Variants in ROBO2 observed in about 807,000 individuals in gnomAD.
ROBO2 encodes the protein roundabout guidance receptor 2, also known as roundabout homolog 2.
Under a neutral mutation model 160.8 loss-of-function variants are expected in ROBO2, and 53 were observed. The observed-to-expected ratio is 0.33, with a 90% confidence interval of 0.26 to 0.41. The LOEUF (loss-of-function observed/expected upper bound fraction) is 0.41. Among genes scored for constraint, ROBO2 ranks in the 10% least tolerant of loss-of-function variants. ROBO2 has a pLI of 1.00. For missense variants in ROBO2, 1,577 were observed against 1,722.4 expected (o/e 0.92, Z 1.49); for synonymous variants, 664 against 611.7 (o/e 1.09, Z -1.26).
chr3:76,488,472 T>C (rs2079620938), intron 2 of ROBO2, among the ~76,000 whole-genome samples: 1 of 152,128 alleles, frequency 6.6e-6, no homozygotes, highest in South Asian at 2.1e-4. Context: ...TGCCGTTGCC[T>C]GCCGTGTGGT....
intron 13 of ROBO2, among the ~76,000 whole-genome samples, chr3:77,573,525 A>G (rs1446660283): frequency 1.3e-5 from 2 of 152,066 alleles, no homozygotes; most frequent in East Asian, 3.9e-4. Context: ...CAAGAATGGG[A>G]CAATTGAAGA....
intron 2 of ROBO2, among the ~76,000 whole-genome samples, chr3:76,333,738 A>C (rs999944258): frequency 6.6e-6 from 1 of 152,136 alleles, no homozygotes; most frequent in African/African-American, 2.4e-5. Context: ...ACATTTTCTT[A>C]ATCCAGTCTG....
intron 1 of ROBO2, among the ~76,000 whole-genome samples, chr3:75,911,455 A>T (rs1946576091): frequency 6.6e-6 from 1 of 151,606 alleles, no homozygotes; most frequent in African/African-American, 2.4e-5. Flanking sequence ...AGGTCCAATT[A>T]GGATTAGATT....
chr3:77,085,662 A>G (rs2069204873), intron 1 of ROBO2, among the ~76,000 whole-genome samples: 1 of 152,112 alleles, frequency 6.6e-6, no homozygotes, highest in African/African-American at 2.4e-5. Flanking sequence ...GCCATTGTAC[A>G]ATATTAAATA....
intron 1 of ROBO2, among the ~76,000 whole-genome samples, chr3:77,062,122 T>C (rs559850249): frequency 6.6e-6 from 1 of 152,172 alleles, no homozygotes; most frequent in African/African-American, 2.4e-5. Context: ...ATGTGCCCTA[T>C]AGATGAGCAG....
At chr3:77,344,085 A>G (rs1281117547) in intron 2 of ROBO2, among the ~76,000 whole-genome samples, 1 of 152,072 alleles carries the variant, frequency 6.6e-6, no homozygotes, top group Non-Finnish European at 1.5e-5. Flanking sequence ...AAAGAAGAAT[A>G]TAAACATGAC....
At chr3:76,334,947 A>G (rs1163373713) in intron 2 of ROBO2, among the ~76,000 whole-genome samples, 1 of 152,168 alleles carries the variant, frequency 6.6e-6, no homozygotes, top group Non-Finnish European at 1.5e-5. Flanking sequence ...TTGAACATTT[A>G]ATCTTAAACA....
At chr3:77,236,537 T>C (rs540275761) in intron 2 of ROBO2, among the ~76,000 whole-genome samples, 7 of 152,184 alleles carry the variant, frequency 4.6e-5, no homozygotes, top group Non-Finnish European at 7.3e-5. Flanking sequence ...AACCAGATGG[T>C]TGGGGGTCCT....
At chr3:76,455,011 T>C (rs1237246594) in intron 2 of ROBO2, among the ~76,000 whole-genome samples, 1 of 152,070 alleles carries the variant, frequency 6.6e-6, no homozygotes, top group East Asian at 1.9e-4. Context: ...AGGAAAAAAA[T>C]TGTGGTCCAA....
chr3:76,869,856 G>A (rs2071839056), intron 2 of ROBO2, among the ~76,000 whole-genome samples: 1 of 152,056 alleles, frequency 6.6e-6, no homozygotes, highest in African/African-American at 2.4e-5. Context: ...TTGGAGCGTT[G>A]TTTCAGTTTG....
chr3:76,918,028 T>C (rs1203378612), intron 2 of ROBO2, among the ~76,000 whole-genome samples: 2 of 152,110 alleles, frequency 1.3e-5, no homozygotes, highest in African/African-American at 4.8e-5. Flanking sequence ...TGTTGGGCCC[T>C]GTGCAAAATG....
chr3:77,627,961 T>C (rs1158697020), intron 23 of ROBO2, among the ~76,000 whole-genome samples: 3 of 152,196 alleles, frequency 2.0e-5, no homozygotes, highest in African/African-American at 7.2e-5. Flanking sequence ...TGATCATAAA[T>C]TAATTTTAGT....
intron 2 of ROBO2, among the ~76,000 whole-genome samples, chr3:77,264,954 C>G (rs931175091): frequency 3.9e-5 from 6 of 152,026 alleles, no homozygotes; most frequent in African/African-American, 1.4e-4. Flanking sequence ...TATTCTTGTT[C>G]CTTTAGAAAT....
intron 5 of ROBO2, among the ~76,000 whole-genome samples, chr3:77,508,481 A>G (rs1383372138): frequency 6.7e-6 from 1 of 148,920 alleles, no homozygotes; most frequent in Non-Finnish European, 1.5e-5. Flanking sequence ...AAATATATAA[A>G]TATATTTAAA....
At chr3:76,542,417 C>T (rs1023509176) in intron 2 of ROBO2, among the ~76,000 whole-genome samples, 1 of 152,106 alleles carries the variant, frequency 6.6e-6, no homozygotes, top group Admixed American at 6.6e-5. Flanking sequence ...AAGTCCAGGC[C>T]TTGGCTTCCC....
intron 2 of ROBO2, among the ~76,000 whole-genome samples, chr3:76,151,338 G>A (rs2072191765): frequency 6.6e-6 from 1 of 151,984 alleles, no homozygotes; most frequent in South Asian, 2.1e-4. Flanking sequence ...TCTAAAATGG[G>A]ATACATATAA....
intron 1 of ROBO2, among the ~76,000 whole-genome samples, chr3:77,076,509 A>T (rs2068022862): frequency 6.6e-6 from 1 of 151,720 alleles, no homozygotes; most frequent in Non-Finnish European, 1.5e-5. Flanking sequence ...AGGAAAATAA[A>T]TTTTTTTTCT....
At chr3:76,796,871 AGG>A (rs1474581110) in intron 2 of ROBO2, among the ~76,000 whole-genome samples, 74 of 152,250 alleles carry the variant, frequency 4.9e-4, no homozygotes, top group African/African-American at 1.6e-3. Flanking sequence ...TATAATTATA[AGG>A]GGATAAATTC....
At chr3:76,580,901 G>T (rs2085660750) in intron 2 of ROBO2, among the ~76,000 whole-genome samples, 1 of 152,112 alleles carries the variant, frequency 6.6e-6, no homozygotes, top group Non-Finnish European at 1.5e-5. Context: ...ATTTCTGGAA[G>T]TTCAATAGAT....
Sources: gnomAD v4.1 joint callset for allele counts (sites outside exome capture counted in the v4.1 genomes callset) on GRCh38, gnomAD v4.1.1 for gene constraint, MANE v1.5 for transcripts, NCBI Gene and HGNC (gene_info 2026-07-23, HGNC 2026-07-21) for gene names.